CDH12: variants seen among roughly 807,000 people sequenced by gnomAD.
CDH12 encodes cadherin-12.
In CDH12, 41 loss-of-function variants were observed where a neutral mutation model predicts 74.1. The observed-to-expected ratio is 0.55, with a 90% CI of 0.43 to 0.72. CDH12 has a LOEUF of 0.72. CDH12 is among the 30% of genes least tolerant of loss of function. The pLI, the probability that CDH12 is intolerant of heterozygous loss-of-function variation, is 0.00. For synonymous variants in CDH12, 399 were observed against 355.0 expected (o/e 1.12, Z -1.39); for missense variants, 945 against 977.2 (o/e 0.97, Z 0.44).
chr5:21,757,008 C>T (rs1055745350), intron 13 of CDH12, among the ~76,000 whole-genome samples: 7 of 151,740 alleles, frequency 4.6e-5, no homozygotes, highest in African/African-American at 9.7e-5. Context: ...CACTTGAGTC[C>T]GCGGAAAAGG....
intron 3 of CDH12, among the ~76,000 whole-genome samples, chr5:22,398,831 G>C (rs1407964517): frequency 6.6e-6 from 1 of 152,006 alleles, no homozygotes; most frequent in Non-Finnish European, 1.5e-5. Flanking sequence ...CCTTTTATAA[G>C]TCCAGAAGCA....
chr5:22,569,722 C>A (rs1051380373), intron 1 of CDH12, among the ~76,000 whole-genome samples: 14 of 152,106 alleles, frequency 9.2e-5, no homozygotes, highest in Non-Finnish European at 1.9e-4. Context: ...CCATGAGTTA[C>A]AGCAATTTAG....
chr5:21,854,246 A>T (rs1750633196), intron 7 of CDH12, among the ~76,000 whole-genome samples: 1 of 151,692 alleles, frequency 6.6e-6, no homozygotes, highest in African/African-American at 2.4e-5. Flanking sequence ...CTATTAATCT[A>T]AACCAAGCAT....
At chr5:22,182,953 G>C (rs1319719759) in intron 4 of CDH12, among the ~76,000 whole-genome samples, 2 of 152,072 alleles carry the variant, frequency 1.3e-5, no homozygotes, top group Admixed American at 1.3e-4. Context: ...TAGTTGTTTA[G>C]CATGGAGAAG....
At chr5:22,799,801 A>G (rs1223067762) in intron 1 of CDH12, among the ~76,000 whole-genome samples, 3 of 152,194 alleles carry the variant, frequency 2.0e-5, no homozygotes, top group Non-Finnish European at 4.4e-5. Context: ...TACACAATAT[A>G]TTGATATTTA....
At chr5:22,402,851 T>G (rs1742785923) in intron 3 of CDH12, among the ~76,000 whole-genome samples, 1 of 152,174 alleles carries the variant, frequency 6.6e-6, no homozygotes, top group African/African-American at 2.4e-5. Context: ...ACAACCTTTT[T>G]CTAATGGTGC....
intron 1 of CDH12, among the ~76,000 whole-genome samples, chr5:22,846,825 C>T (rs979759196): frequency 2.6e-5 from 4 of 151,918 alleles, no homozygotes; most frequent in Non-Finnish European, 5.9e-5. Context: ...AGATCACATG[C>T]CATATATTTT....
intron 1 of CDH12, chr5:22,639,115 G>C (rs1473292054): frequency 1.4e-5 from 2 of 144,868 alleles, no homozygotes; most frequent in African/African-American, 5.1e-5. Context: ...AGACGTTTTG[G>C]CTAAATTGCC....
At chr5:21,871,819 A>C (rs780753433) in intron 6 of CDH12, among the ~76,000 whole-genome samples, 1 of 152,108 alleles carries the variant, frequency 6.6e-6, no homozygotes, top group Non-Finnish European at 1.5e-5. Flanking sequence ...CGAAAGTGTG[A>C]CACTTGCAAG....
At chr5:21,982,349 C>G (rs927411653) in intron 5 of CDH12, among the ~76,000 whole-genome samples, 8 of 151,900 alleles carry the variant, frequency 5.3e-5, no homozygotes, top group African/African-American at 1.5e-4. Flanking sequence ...AGAAGCTATC[C>G]TGGGTCTACA....
chr5:22,591,186 C>A (rs1319916892), intron 1 of CDH12, among the ~76,000 whole-genome samples: 1 of 152,020 alleles, frequency 6.6e-6, no homozygotes, highest in African/African-American at 2.4e-5. Flanking sequence ...AATTGTAAAC[C>A]AAAGTAATAT....
chr5:22,482,890 T>G (rs1328253086), intron 2 of CDH12, among the ~76,000 whole-genome samples: 1 of 152,156 alleles, frequency 6.6e-6, no homozygotes, highest in African/African-American at 2.4e-5. Context: ...ACCAATGCAG[T>G]CAATTCATCC....
intron 1 of CDH12, among the ~76,000 whole-genome samples, chr5:22,585,453 C>A (rs909344070): frequency 6.6e-6 from 1 of 152,124 alleles, no homozygotes; most frequent in African/African-American, 2.4e-5. Flanking sequence ...CACTTCAGGA[C>A]AATTTTTAGT....
chr5:22,406,554 A>G (rs1317929981), intron 2 of CDH12, among the ~76,000 whole-genome samples: 3 of 152,178 alleles, frequency 2.0e-5, no homozygotes, highest in South Asian at 4.1e-4. Flanking sequence ...TAAAAAATAT[A>G]TTATTCTTTC....
At chr5:21,769,298 G>A (rs978765290) in intron 11 of CDH12, among the ~76,000 whole-genome samples, 3 of 151,862 alleles carry the variant, frequency 2.0e-5, no homozygotes, top group African/African-American at 7.3e-5. Context: ...GTATCCAGAT[G>A]GAAAGAAAGA....
intron 5 of CDH12, among the ~76,000 whole-genome samples, chr5:22,034,967 T>C (rs1739070991): frequency 1.3e-5 from 2 of 152,314 alleles, no homozygotes; most frequent in Non-Finnish European, 2.9e-5. Context: ...AAATGACTTA[T>C]GGTGAAACTG....
intron 3 of CDH12, among the ~76,000 whole-genome samples, chr5:22,351,726 T>C (rs2150464957): frequency 6.6e-6 from 1 of 152,332 alleles, no homozygotes; most frequent in East Asian, 1.9e-4. Context: ...AAATTATATT[T>C]TTCAATATTT....
At chr5:21,863,837 C>T (rs989036992) in intron 6 of CDH12, among the ~76,000 whole-genome samples, 6 of 152,100 alleles carry the variant, frequency 3.9e-5, no homozygotes, top group African/African-American at 9.7e-5. Flanking sequence ...ATAACATGAA[C>T]GTTTCTCAGA....
At chr5:21,789,357 G>A (rs1167063087) in intron 10 of CDH12, among the ~76,000 whole-genome samples, 2 of 152,070 alleles carry the variant, frequency 1.3e-5, no homozygotes, top group African/African-American at 4.8e-5. Context: ...GTATCAAGCC[G>A]AGCTGGGACA....
Sources: gnomAD v4.1 joint callset for allele counts (sites outside exome capture counted in the v4.1 genomes callset) on GRCh38, gnomAD v4.1.1 for gene constraint, MANE v1.5 for transcripts, NCBI Gene and HGNC (gene_info 2026-07-23, HGNC 2026-07-21) for gene names.